Variants in MAN1A1 observed in about 807,000 individuals in gnomAD.
MAN1A1 encodes the protein mannosyl-oligosaccharide 1,2-alpha-mannosidase IA.
MAN1A1 carries 29 observed loss-of-function variants against 70.8 expected under a neutral mutation model. That is an observed-to-expected ratio of 0.41 (90% CI 0.31 to 0.56). The LOEUF (loss-of-function observed/expected upper bound fraction) is 0.56. Among genes scored for constraint, MAN1A1 ranks in the 20% least tolerant of loss-of-function variants. The pLI is 0.29. For missense variants in MAN1A1, 747 were observed against 841.3 expected, an observed-to-expected ratio of 0.89 and a Z score of 1.39; for synonymous variants, 349 against 330.1, an observed-to-expected ratio of 1.06 and a Z score of -0.62.
rs114453431 is a variant in MAN1A1 at position 119,270,089 on chromosome 6, T to G, written c.897+20594A>C. Among the ~76,000 whole-genome samples the G allele has an allele frequency of 6.1e-3, 934 of 152,334 alleles. 6 individuals are homozygous for G. The highest frequency in any genetic ancestry group is 0.021 in the African/African-American group (870 of 41,570). ...AGTTGGCTCCTGAGTCCTTTGACCT[T>G]ACTCTAGCAGTCTTTGTTAGCTTCT... On this transcript the variant is annotated intron_variant, in intron 5 of 12. Transcript: ENST00000368468.
chr6:119,241,853 A>C (rs1394737882), intron 6 of MAN1A1, among the ~76,000 whole-genome samples: 1 of 152,058 alleles, frequency 6.6e-6, no homozygotes, highest in Non-Finnish European at 1.5e-5. Context: ...TCCCCAAACC[A>C]ATTGAAACAG....
chr6:119,271,436 A>G (rs1775920418), intron 5 of MAN1A1, among the ~76,000 whole-genome samples: 1 of 152,210 alleles, frequency 6.6e-6, no homozygotes, highest in Non-Finnish European at 1.5e-5. Flanking sequence ...TTTCCACCCT[A>G]TAAGAGCTAC....
intron 6 of MAN1A1, among the ~76,000 whole-genome samples, chr6:119,215,313 C>T (rs1474077241): frequency 6.6e-6 from 1 of 152,046 alleles, no homozygotes. Flanking sequence ...CTAATGGAAT[C>T]TGGGCTTTAC....
chr6:119,323,711 G>A (rs193291711), intron 2 of MAN1A1, among the ~76,000 whole-genome samples: 177 of 152,246 alleles, frequency 1.2e-3, no homozygotes, highest in African/African-American at 4.2e-3. Context: ...TCATCAAAAG[G>A]ACAAATTCTG....
At position 119,290,041 on chromosome 6, in the gene MAN1A1, A is replaced by T. The variant is rs547063807; in HGVS notation, c.897+642T>A. On this transcript the variant is annotated intron_variant, in intron 5 of 12. Transcript: ENST00000368468. Reference sequence around the variant, plus strand: ...TTCATAAAGTTGTCCAAAACCTTTCAAGAAAATAGCATCAGTGACCTTTAT... The same window carrying T: ...TTCATAAAGTTGTCCAAAACCTTTCTAGAAAATAGCATCAGTGACCTTTAT... 1.9e-4 allele frequency among the ~76,000 whole-genome samples: 29 copies of T among 152,162 alleles called. No homozygotes were observed. In the South Asian group the frequency reaches 5.8e-3, roughly 30 times the overall value.
chr6:119,273,132 G>A (rs1775970334), intron 5 of MAN1A1, among the ~76,000 whole-genome samples: 1 of 152,124 alleles, frequency 6.6e-6, no homozygotes, highest in Non-Finnish European at 1.5e-5. Context: ...ACTGAATCCT[G>A]AGTAAGACTG....
chr6:119,331,239 T>C (rs195071), intron 2 of MAN1A1, among the ~76,000 whole-genome samples: 78,676 of 151,978 alleles, frequency 0.52, 20,673 homozygotes, highest in Admixed American at 0.57. Flanking sequence ...TCAGTAACAA[T>C]ATATTATTTT....
intron 4 of MAN1A1, among the ~76,000 whole-genome samples, chr6:119,296,911 T>C (rs1772230656): frequency 6.6e-6 from 1 of 152,222 alleles, no homozygotes; most frequent in Non-Finnish European, 1.5e-5. Context: ...GATATCGCTT[T>C]ACTGCAGTCC....
At position 119,295,567 on chromosome 6, in the gene MAN1A1, T is replaced by C. The variant is rs577736203; in HGVS notation, c.817-4804A>G. On this transcript the variant is annotated intron_variant, in intron 4 of 12. Coordinates refer to ENST00000368468, the MANE Select transcript of MAN1A1 (RefSeq NM_005907.4). ...CATACAGCATGACAGATCTGATTGA[T>C]TGCATTAAATGGAAAAATATTTCTT... is the stretch of plus-strand genomic sequence containing the variant. Among the ~76,000 whole-genome samples the C allele has an allele frequency of 4.3e-4, 65 of 152,274 alleles. 1 individual carries two copies. Among genetic ancestry groups the C allele is most frequent in the Middle Eastern group, 6.8e-3 (2 of 294 alleles).
intron 5 of MAN1A1, among the ~76,000 whole-genome samples, chr6:119,273,335 A>C (rs1386241687): frequency 1.3e-5 from 2 of 152,182 alleles, no homozygotes; most frequent in African/African-American, 4.8e-5. Context: ...AAATAGCTCC[A>C]CATCATTTTT....
intron 5 of MAN1A1, among the ~76,000 whole-genome samples, chr6:119,270,296 T>C (rs1055522186): frequency 5.3e-5 from 8 of 152,228 alleles, no homozygotes; most frequent in Non-Finnish European, 1.0e-4. Context: ...TATATATGCA[T>C]ATTTATGTAT....
At chr6:119,183,531 G>A (rs935790281) in intron 11 of MAN1A1, among the ~76,000 whole-genome samples, 3 of 152,034 alleles carry the variant, frequency 2.0e-5, no homozygotes, top group African/African-American at 4.8e-5. Flanking sequence ...CCCTATTTCC[G>A]GATATTTCTT....
chr6:119,335,375 G>A (rs1448980531), intron 2 of MAN1A1, among the ~76,000 whole-genome samples: 1 of 152,154 alleles, frequency 6.6e-6, no homozygotes, highest in Non-Finnish European at 1.5e-5. Flanking sequence ...CTGAAAAAGA[G>A]GAATTATTAA....
At chr6:119,313,866 G>A (rs1286563771) in intron 2 of MAN1A1, among the ~76,000 whole-genome samples, 1 of 151,360 alleles carries the variant, frequency 6.6e-6, no homozygotes, top group African/African-American at 2.4e-5. Context: ...AGAACCACCA[G>A]GTCTAGGGCA....
intron 6 of MAN1A1, among the ~76,000 whole-genome samples, chr6:119,212,543 A>G (rs1774084494): frequency 6.6e-6 from 1 of 152,186 alleles, no homozygotes; most frequent in Non-Finnish European, 1.5e-5. Flanking sequence ...ACCCTAGGAA[A>G]TATGCTCAGG....
At chr6:119,232,709 G>GTGTC (rs1190981440) in intron 6 of MAN1A1, among the ~76,000 whole-genome samples, 1 of 148,218 alleles carries the variant, frequency 6.7e-6, no homozygotes, top group Admixed American at 6.7e-5. Flanking sequence ...GTGTGTGTGT[G>GTGTC]TGTGTGTGTA....
chr6:119,269,358 C>G, intron 5 of MAN1A1: 1 of 223,814 alleles, frequency 4.5e-6, no homozygotes, highest in South Asian at 4.6e-5. Flanking sequence ...AGACACACAA[C>G]CTTGGGAGCA....
chr6:119,324,816 G>A (rs948324501), intron 2 of MAN1A1, among the ~76,000 whole-genome samples: 1 of 152,092 alleles, frequency 6.6e-6, no homozygotes, highest in Non-Finnish European at 1.5e-5. Context: ...GTTTAAACTG[G>A]GGCTTTTAAT....
intron 11 of MAN1A1, among the ~76,000 whole-genome samples, chr6:119,185,733 C>T (rs570135185): frequency 4.6e-5 from 7 of 152,056 alleles, no homozygotes; most frequent in South Asian, 2.1e-4. Flanking sequence ...CCCGCCACCA[C>T]GCCTGGTTAA....
Sources: gnomAD v4.1 joint callset for allele counts (sites outside exome capture counted in the v4.1 genomes callset) on GRCh38, gnomAD v4.1.1 for gene constraint, MANE v1.5 for transcripts, NCBI Gene and HGNC (gene_info 2026-07-23, HGNC 2026-07-21) for gene names.